KSR1: variants seen among roughly 807,000 people sequenced by gnomAD.
KSR1 encodes the protein kinase suppressor of ras 1, also known as kinase suppressor of ras.
Under a neutral mutation model 92.9 loss-of-function variants are expected in KSR1, and 35 were observed. The observed-to-expected ratio is 0.38, with a 90% CI of 0.29 to 0.50. The LOEUF is 0.50. KSR1 is among the 20% of genes least tolerant of loss of function. The pLI is 0.94. For synonymous variants in KSR1, 467 were observed against 472.6 expected, an observed-to-expected ratio of 0.99 and a Z score of 0.15; for missense variants, 972 against 1,158.5, an observed-to-expected ratio of 0.84 and a Z score of 2.34.
At chr17:27,584,756 G>A (rs576723942) in intron 4 of KSR1, among the ~76,000 whole-genome samples, 2 of 152,226 alleles carry the variant, frequency 1.3e-5, no homozygotes, top group South Asian at 2.1e-4. Context: ...AGGCCACCTC[G>A]CTGTTCTGGT....
chr17:27,578,575 GGGCACACAGCA>G (rs1362503945), intron 3 of KSR1: 2 of 152,272 alleles, frequency 1.3e-5, no homozygotes, highest in African/African-American at 4.8e-5. Flanking sequence ...GCTTGGGTAA[GGGCACACAGCA>G]GTTGGTGGCT....
At chr17:27,526,011 T>C (rs2070251976) in intron 1 of KSR1, among the ~76,000 whole-genome samples, 1 of 97,570 alleles carries the variant, frequency 1.0e-5, no homozygotes, top group African/African-American at 5.8e-5. Flanking sequence ...TCTTTTCTTT[T>C]CTTTTCTTTT....
At chr17:27,504,987 A>G (rs927885567) in intron 1 of KSR1, among the ~76,000 whole-genome samples, 1 of 152,170 alleles carries the variant, frequency 6.6e-6, no homozygotes, top group Admixed American at 6.5e-5. Flanking sequence ...TAAGGTAAGC[A>G]TGTGGGAGGG....
At chr17:27,579,197 C>T (rs537981512) in intron 3 of KSR1, 2 of 152,512 alleles carry the variant, frequency 1.3e-5, no homozygotes, top group East Asian at 1.9e-4. Flanking sequence ...TGCTGGGATC[C>T]GCTGGGTACC....
chr17:27,589,735 C>G (rs1213086967), intron 6 of KSR1, among the ~76,000 whole-genome samples: 5 of 152,224 alleles, frequency 3.3e-5, no homozygotes, highest in Non-Finnish European at 7.3e-5. Flanking sequence ...ACACCACCCA[C>G]TCAGCCCCCA....
intron 1 of KSR1, among the ~76,000 whole-genome samples, chr17:27,477,130 A>G (rs1328364100): frequency 6.6e-6 from 1 of 152,190 alleles, no homozygotes; most frequent in East Asian, 1.9e-4. Context: ...GGAGTGTAGC[A>G]GTGAGAACAA....
At chr17:27,562,869 A>G (rs1383852029) in intron 2 of KSR1, among the ~76,000 whole-genome samples, 1 of 152,228 alleles carries the variant, frequency 6.6e-6, no homozygotes, top group Non-Finnish European at 1.5e-5. Context: ...GGAGGCAGAC[A>G]AAATTTTGAC....
At chr17:27,549,688 C>G (rs865811882) in intron 1 of KSR1, among the ~76,000 whole-genome samples, 1 of 151,880 alleles carries the variant, frequency 6.6e-6, no homozygotes, top group Non-Finnish European at 1.5e-5. Flanking sequence ...ACTGGGAATC[C>G]GAGTCCAGGA....
intron 1 of KSR1, among the ~76,000 whole-genome samples, chr17:27,463,091 A>G (rs2019524957): frequency 6.6e-6 from 1 of 152,234 alleles, no homozygotes; most frequent in Non-Finnish European, 1.5e-5. Flanking sequence ...TACATTTAAT[A>G]TCTGTCCTCG....
At chr17:27,481,451 C>T (rs747593002) in intron 1 of KSR1, among the ~76,000 whole-genome samples, 12 of 152,194 alleles carry the variant, frequency 7.9e-5, no homozygotes, top group Non-Finnish European at 1.6e-4. Context: ...ATAGCACATA[C>T]GTGCCATATT....
intron 1 of KSR1, among the ~76,000 whole-genome samples, chr17:27,521,261 A>G (rs550213160): frequency 6.6e-6 from 1 of 152,150 alleles, no homozygotes; most frequent in Admixed American, 6.5e-5. Context: ...CCCAAGCTGA[A>G]AGGACTGCTC....
intron 1 of KSR1, among the ~76,000 whole-genome samples, chr17:27,479,185 T>G (rs1415778453): frequency 6.7e-6 from 1 of 149,828 alleles, no homozygotes; most frequent in Non-Finnish European, 1.5e-5. Context: ...TGCACTTCCC[T>G]CCCTCTATGC....
chr17:27,609,973 T>A, intron 16 of KSR1, 94 bp from the exon 17 acceptor site: 1 of 1,505,348 alleles, frequency 6.6e-7, no homozygotes, highest in Non-Finnish European at 9.0e-7. Flanking sequence ...TGTGTGTGGG[T>A]GTTCTGCCGG....
intron 1 of KSR1, among the ~76,000 whole-genome samples, chr17:27,461,319 G>T (rs957014237): frequency 6.6e-6 from 1 of 152,146 alleles, no homozygotes; most frequent in Non-Finnish European, 1.5e-5. Flanking sequence ...GGCCTCAAGT[G>T]ATCTACCCAC....
chr17:27,561,526 G>A (rs2071828802), intron 2 of KSR1, among the ~76,000 whole-genome samples: 1 of 152,182 alleles, frequency 6.6e-6, no homozygotes, highest in Non-Finnish European at 1.5e-5. Context: ...GCTGACTGCT[G>A]GCCCCAAGGA....
intron 10 of KSR1, among the ~76,000 whole-genome samples, chr17:27,599,804 T>C (rs1177605465): frequency 6.6e-6 from 1 of 152,238 alleles, no homozygotes; most frequent in African/African-American, 2.4e-5. Context: ...ACATATTGTA[T>C]AGCTGTACAA....
chr17:27,553,852 G>A (rs1342446975), intron 2 of KSR1, among the ~76,000 whole-genome samples: 6 of 152,234 alleles, frequency 3.9e-5, no homozygotes, highest in Non-Finnish European at 8.8e-5. Flanking sequence ...ACCTCTGAGA[G>A]TTTCTCCTTG....
chr17:27,588,213 G>A (rs994462516), intron 5 of KSR1: 2 of 294,026 alleles, frequency 6.8e-6, no homozygotes, highest in Non-Finnish European at 1.3e-5. Context: ...TTCCTCATCT[G>A]GAAACATCAC....
chr17:27,500,832 G>A (rs746154661), intron 1 of KSR1, among the ~76,000 whole-genome samples: 5 of 152,162 alleles, frequency 3.3e-5, no homozygotes, highest in African/African-American at 4.8e-5. Flanking sequence ...TGCTGGGTCC[G>A]GACCCTGACT....
Sources: allele counts gnomAD v4.1 joint callset (sites outside exome capture counted in the v4.1 genomes callset), GRCh38; gene constraint gnomAD v4.1.1; transcripts MANE v1.5; gene names NCBI Gene and HGNC (gene_info 2026-07-23, HGNC 2026-07-21).